The following ATP10D variants were observed in gnomAD, a reference collection of about 807,000 sequenced individuals.
The protein encoded by ATP10D is phospholipid-transporting ATPase VD.
Under a neutral mutation model 144.8 loss-of-function variants are expected in ATP10D, and 89 were observed. The ratio of observed to expected loss-of-function variants is 0.61; its 90% CI spans 0.52 to 0.73. ATP10D has a LOEUF of 0.73. Among genes scored for constraint, ATP10D ranks in the 30% least tolerant of loss-of-function variants. The probability of loss-of-function intolerance (pLI) is 0.00; values close to 1 mark genes in which losing one functional copy is unlikely to be tolerated. For missense variants in ATP10D, 1,603 were observed against 1,714.8 expected, an observed-to-expected ratio of 0.93 and a Z score of 1.15; for synonymous variants, 571 against 615.1, an observed-to-expected ratio of 0.93 and a Z score of 1.06.
intron 1 of ATP10D, chr4:47,491,456 T>C: frequency 1.4e-6 from 1 of 700,828 alleles, no homozygotes; most frequent in South Asian, 1.4e-5. Context: ...CCTTTGTGTT[T>C]GTCATTTTGG....
At chr4:47,551,751 A>G (rs1403370138) in intron 10 of ATP10D, among the ~76,000 whole-genome samples, 1 of 152,214 alleles carries the variant, frequency 6.6e-6, no homozygotes, top group African/African-American at 2.4e-5. Flanking sequence ...GCAGGCATCC[A>G]GAGAAGGCAG....
At position 47,554,810 on chromosome 4, in the gene ATP10D, A is replaced by G; in HGVS notation, c.1720A>G (p.Ile574Val). The change falls in exon 11 of 23, where the codon ATC (isoleucine) becomes GTC (valine). Residue 574 changes from isoleucine (I) to valine (V), a missense_variant. Transcript: ENST00000273859. ...PRLFMPLDET[I>V]QNPPMETLYI... ...GCTCTTTATGCCACTAGATGAGACCATCCAAAATCCACCAATGGAAACTTT... is the reference window on the plus strand; with the variant it reads ...GCTCTTTATGCCACTAGATGAGACCGTCCAAAATCCACCAATGGAAACTTT... The G allele has an allele frequency of 1.2e-6, 2 of 1,614,144 alleles. No individual in the cohort carries two copies. Among genetic ancestry groups the G allele is most frequent in the Non-Finnish European group, 1.7e-6 (2 of 1,179,986 alleles).
At chr4:47,586,703 T>C (rs1314790383) in intron 21 of ATP10D, among the ~76,000 whole-genome samples, 2 of 152,130 alleles carry the variant, frequency 1.3e-5, no homozygotes, top group Non-Finnish European at 2.9e-5. Context: ...AACAGACCAA[T>C]GAGTGACTAC....
At chr4:47,543,840 C>T (rs1458836277) in intron 9 of ATP10D, among the ~76,000 whole-genome samples, 2 of 151,810 alleles carry the variant, frequency 1.3e-5, no homozygotes, top group African/African-American at 2.4e-5. Context: ...ATTATGTACA[C>T]ACACACACAC....
chr4:47,493,006 A>G (rs1430917449), intron 1 of ATP10D, among the ~76,000 whole-genome samples: 4 of 152,150 alleles, frequency 2.6e-5, no homozygotes, highest in African/African-American at 4.8e-5. Flanking sequence ...ACAATTTTTC[A>G]GGGGCTAAAT....
chr4:47,490,704 A>C (rs1251325507), intron 1 of ATP10D, among the ~76,000 whole-genome samples: 1 of 152,204 alleles, frequency 6.6e-6, no homozygotes, highest in Non-Finnish European at 1.5e-5. Flanking sequence ...AGTGAAGAAC[A>C]CGAGAGTGTG....
At chr4:47,507,274 T>TGA in intron 1 of ATP10D, among the ~76,000 whole-genome samples, 1 of 152,346 alleles carries the variant, frequency 6.6e-6, no homozygotes, top group East Asian at 1.9e-4. Context: ...AAGTGCTTTT[T>TGA]ATATATTAAC....
At chr4:47,526,920 A>G (rs1363240754) in intron 5 of ATP10D, among the ~76,000 whole-genome samples, 1 of 152,192 alleles carries the variant, frequency 6.6e-6, no homozygotes, top group Non-Finnish European at 1.5e-5. Context: ...GTGAAATCCC[A>G]ATCAAAATCT....
rs1479896496 is a variant in ATP10D at position 47,574,073 on chromosome 4, C to G, written c.3366+1076C>G. ...CAGCTTGTAATTTACAATTCTAGAACTTAGTGGTCAATGGCTTTTAAAGAG... is the reference window on the plus strand; with the variant it reads ...CAGCTTGTAATTTACAATTCTAGAAGTTAGTGGTCAATGGCTTTTAAAGAG... On this transcript the variant is annotated intron_variant, in intron 18 of 22. Transcript: ENST00000273859. 9.9e-5 allele frequency among the ~76,000 whole-genome samples: 15 copies of G among 152,222 alleles called. 1 individual carries two copies. The highest frequency in any genetic ancestry group is 7.2e-4 in the Admixed American group (11 of 15,284).
At chr4:47,569,280 C>CCCATCACCTATTTGAGCACCTTCCT in intron 16 of ATP10D, 134 bp downstream of exon 16, 2 of 1,021,240 alleles carry the variant, frequency 2.0e-6, no homozygotes, top group South Asian at 1.7e-5. Context: ...TTCATGCCTT[C>CCCATCACCTATTTGAGCACCTTCCT]CCATCACCTA....
chr4:47,490,924 A>G, intron 1 of ATP10D: 1 of 480,226 alleles, frequency 2.1e-6, no homozygotes, highest in Non-Finnish European at 3.8e-6. Flanking sequence ...CTTCTTGCAA[A>G]TACATCTTTT....
At chr4:47,491,111 C>CT (rs1390158361) in intron 1 of ATP10D, 4 of 730,252 alleles carry the variant, frequency 5.5e-6, no homozygotes, top group African/African-American at 3.5e-5. Context: ...TTCTCTTTGG[C>CT]TTTTTTCTTT....
chr4:47,540,063 T>C (rs1211586935), intron 9 of ATP10D, among the ~76,000 whole-genome samples: 1 of 152,228 alleles, frequency 6.6e-6, no homozygotes, highest in East Asian at 1.9e-4. Flanking sequence ...CTAGAGCTTC[T>C]GGTCTTTTTT....
At chr4:47,552,815 G>T (rs1276591353) in intron 10 of ATP10D, among the ~76,000 whole-genome samples, 2 of 152,128 alleles carry the variant, frequency 1.3e-5, no homozygotes, top group East Asian at 3.8e-4. Flanking sequence ...CTCTGACTCA[G>T]TCCCAAATGT....
At chr4:47,577,007 C>T (rs780547810) in intron 19 of ATP10D, 34 bp downstream of exon 19, 1 of 1,568,864 alleles carries the variant, frequency 6.4e-7, no homozygotes. Context: ...TGGATGGATG[C>T]ATATCCATTG....
chr4:47,556,137 C>T (rs7686393), intron 11 of ATP10D, among the ~76,000 whole-genome samples: 56,761 of 152,138 alleles, frequency 0.37, 10,730 homozygotes, highest in Admixed American at 0.43. Context: ...ACTTGTTTAA[C>T]GGGCTGGTGA....
chr4:47,577,805 C>G (rs1034802518), intron 19 of ATP10D, among the ~76,000 whole-genome samples: 19 of 149,718 alleles, frequency 1.3e-4, no homozygotes, highest in African/African-American at 4.6e-4. Context: ...CCATTCAGAC[C>G]AAGGAACTAC....
chr4:47,561,067 C>A lies in ATP10D; in HGVS notation c.2660C>A (p.Thr887Lys), dbSNP rs746625584. 6.2e-7 allele frequency: 1 copy of A among 1,614,146 alleles called. No individual in the cohort carries two copies. The change falls in exon 14 of 23, where the codon ACA becomes AAA. Residue 887 changes from threonine to lysine, a missense_variant. Thr to Lys is a moderately conservative substitution (Grantham distance 78). Coordinates refer to ENST00000273859, the MANE Select transcript of ATP10D (RefSeq NM_020453.4). The stretch of plus-strand genomic sequence containing the variant: ...GCCATGAGGTTGGAGAACAAACTTA[C>A]ATTACTTGGTAGGTGAATTATGTTT... ...ESAMRLENKL[T>K]LLGATGIEDR...
intron 20 of ATP10D, among the ~76,000 whole-genome samples, chr4:47,581,308 A>G (rs1720502884): frequency 6.6e-6 from 1 of 152,244 alleles, no homozygotes; most frequent in African/African-American, 2.4e-5. Flanking sequence ...CTGCTCATCC[A>G]CATATACCCT....
Sources: gnomAD v4.1 joint callset for allele counts (sites outside exome capture counted in the v4.1 genomes callset) on GRCh38, gnomAD v4.1.1 for gene constraint, MANE v1.5 for transcripts, NCBI Gene and HGNC (gene_info 2026-07-23, HGNC 2026-07-21) for gene names.